DEK: variants seen among roughly 807,000 people sequenced by gnomAD.
DEK encodes the protein protein DEK.
DEK carries 28 observed loss-of-function variants against 46.8 expected under a neutral mutation model. That is an observed-to-expected ratio of 0.60 (90% CI 0.44 to 0.82). The LOEUF is 0.82. Among genes scored for constraint, DEK ranks in the 40% least tolerant of loss-of-function variants. The probability of loss-of-function intolerance (pLI) is 0.00; values close to 1 mark genes in which losing one functional copy is unlikely to be tolerated. For synonymous variants in DEK, 160 were observed against 144.5 expected (o/e 1.11, Z -0.77); for missense variants, 416 against 430.6 (o/e 0.97, Z 0.30).
chr6:18,236,458 G>T lies in DEK; in HGVS notation c.1041C>A (p.Cys347Ter). 6.2e-7 allele frequency: 1 copy of T among 1,609,322 alleles called. No individual in the cohort carries two copies. The highest frequency in any genetic ancestry group is 8.5e-7 in the Non-Finnish European group (1 of 1,178,470). ...NLEEVTMKQI[C>*]KKVYENYPTY... The stretch of plus-strand genomic sequence containing the variant: ...TAAACATTTGTCTAATTACCTTTTT[G>T]CAAATCTGTTTCATTGTGACTTCTT... Residue 347 changes from cysteine (C) to a stop codon, truncating the protein, a stop_gained, in exon 9 of 11, where the codon TGC (cysteine) becomes TGA (stop). Coordinates refer to ENST00000652689, the MANE Select transcript of DEK (RefSeq NM_003472.4). LOFTEE classifies it high-confidence loss of function.
rs868594580 is a variant in DEK at position 18,259,426 on chromosome 6, A to T, written c.146-1021T>A. Among the ~76,000 whole-genome samples the T allele has an allele frequency of 1.3e-3, 166 of 127,042 alleles. 1 individual carries two copies. The highest frequency in any genetic ancestry group is 3.0e-3 in the South Asian group (12 of 4,030). The allele number at this position is 127,042 out of a possible 152,430, so 83.3% of individuals were successfully genotyped here. A position where few individuals can be genotyped will look rare whatever the true frequency, so the allele number is the denominator to read the frequency against. ...AAAAAAAAAAAAAAAAAAAAAAAAA[A>T]AAAAAAATCTAGAAAACAGGTAGCA... On this transcript the variant is annotated intron_variant, in intron 2 of 10. Coordinates refer to ENST00000652689, the MANE Select transcript of DEK (RefSeq NM_003472.4).
At chr6:18,249,030 G>C (rs1429813066) in intron 7 of DEK, among the ~76,000 whole-genome samples, 1 of 152,118 alleles carries the variant, frequency 6.6e-6, no homozygotes, top group Non-Finnish European at 1.5e-5. Flanking sequence ...TGATCTACCT[G>C]ACTGAAGAGG....
chr6:18,230,356 AG>A (rs1328077950), intron 9 of DEK, among the ~76,000 whole-genome samples: 32 of 152,344 alleles, frequency 2.1e-4, no homozygotes, highest in African/African-American at 7.5e-4. Flanking sequence ...TCATAATGAC[AG>A]GATCAAATTC....
At chr6:18,227,252 G>A (rs1790177641) in intron 9 of DEK, among the ~76,000 whole-genome samples, 1 of 152,128 alleles carries the variant, frequency 6.6e-6, no homozygotes, top group South Asian at 2.1e-4. Flanking sequence ...GCCTGTCCCT[G>A]GGCAATGGAA....
intron 2 of DEK, among the ~76,000 whole-genome samples, chr6:18,259,058 C>T (rs367622204): frequency 2.6e-5 from 4 of 151,878 alleles, no homozygotes; most frequent in South Asian, 2.1e-4. Context: ...CGGTGAGGCG[C>T]GGTGGCTCAT....
At chr6:18,258,524 T>C (rs1791701345) in intron 2 of DEK, 119 bp from the exon 3 acceptor site, 1 of 672,622 alleles carries the variant, frequency 1.5e-6, no homozygotes, top group East Asian at 3.0e-5. Context: ...CTTCTGAGCA[T>C]GGTTTTGGAA....
chr6:18,245,086 T>G (rs948915496), intron 7 of DEK, among the ~76,000 whole-genome samples: 2 of 152,196 alleles, frequency 1.3e-5, no homozygotes, highest in African/African-American at 2.4e-5. Flanking sequence ...TCTCTTGCAG[T>G]TAGGTGGGCA....
chr6:18,250,424 G>A (rs139526577), intron 6 of DEK, among the ~76,000 whole-genome samples: 62 of 152,118 alleles, frequency 4.1e-4, no homozygotes, highest in East Asian at 2.5e-3. Flanking sequence ...AGCCGAGATC[G>A]CGCCACTGCA....
chr6:18,246,126 C>G (rs2151086957), intron 7 of DEK, among the ~76,000 whole-genome samples: 1 of 152,324 alleles, frequency 6.6e-6, no homozygotes, highest in Admixed American at 6.5e-5. Flanking sequence ...CTAATACACT[C>G]ATTTTAGCAA....
intron 10 of DEK, 132 bp downstream of exon 10, chr6:18,226,042 C>A: frequency 1.1e-6 from 1 of 879,392 alleles, no homozygotes; most frequent in Non-Finnish European, 1.6e-6. Context: ...AATAAATTTC[C>A]CTATTATGAA....
intron 2 of DEK, among the ~76,000 whole-genome samples, chr6:18,259,921 C>T (rs140370292): frequency 2.9e-4 from 44 of 152,260 alleles, no homozygotes; most frequent in African/African-American, 1.0e-3. Flanking sequence ...CTAAAACAAC[C>T]CCTACTATCA....
In DEK at chr6:18,242,027, A is replaced by C. The variant is rs571869026; in HGVS notation, c.763-4511T>G. Among the ~76,000 whole-genome samples the C allele has an allele frequency of 6.0e-4, 92 of 152,378 alleles. 1 individual carries two copies. In the South Asian group the frequency reaches 0.019, roughly 31 times the overall value. ...ATTAACTTTCTTAAAGCTATTGCTT[A>C]AAATCAAATTTTGATCTAAATCAGG... On this transcript the variant is annotated intron_variant, in intron 7 of 10. Coordinates refer to ENST00000652689, the MANE Select transcript of DEK (RefSeq NM_003472.4).
At chr6:18,258,227 T>C in intron 3 of DEK, 77 bp downstream of exon 3, 3 of 1,290,028 alleles carry the variant, frequency 2.3e-6, no homozygotes, top group Non-Finnish European at 3.3e-6. Context: ...ACCTTGCTGA[T>C]ACTAAGCTAC....
Position 18,264,448 on chromosome 6 carries a change from C to T in DEK, c.-73G>A. 1 of 276,694 alleles carries T rather than the reference C, an allele frequency of 3.6e-6. No individual in the cohort carries two copies. The highest frequency in any genetic ancestry group is 7.4e-6 in the Non-Finnish European group (1 of 136,036). The allele number at this position is 276,694 out of a possible 1,614,324, so 17.1% of individuals were successfully genotyped here. A position where few individuals can be genotyped will look rare whatever the true frequency, so the allele number is the denominator to read the frequency against. On this transcript the variant is annotated 5_prime_UTR_variant, in exon 1 of 11. Transcript: ENST00000652689. ...ACGAGGAGGTTCTGGGAGGCGGCGGCGGCCGACGCCGAGGAGAAGGCGCGC... is the reference window on the plus strand; with the variant it reads ...ACGAGGAGGTTCTGGGAGGCGGCGGTGGCCGACGCCGAGGAGAAGGCGCGC...
intron 6 of DEK, among the ~76,000 whole-genome samples, chr6:18,253,934 C>A (rs529253383): frequency 5.7e-4 from 86 of 152,186 alleles, no homozygotes; most frequent in African/African-American, 1.5e-3. Flanking sequence ...AACTCCTGAG[C>A]TCAAGTGATC....
intron 9 of DEK, among the ~76,000 whole-genome samples, chr6:18,233,495 T>G (rs1352076147): frequency 6.6e-6 from 1 of 151,802 alleles, no homozygotes; most frequent in African/African-American, 2.4e-5. Context: ...GAACTTAAAT[T>G]TACAAGAAAA....
At chr6:18,238,700 A>G (rs1178634972) in intron 7 of DEK, among the ~76,000 whole-genome samples, 2 of 150,268 alleles carry the variant, frequency 1.3e-5, no homozygotes, top group East Asian at 3.9e-4. Context: ...AAAAAAAAAA[A>G]GACAAAATCA....
intron 5 of DEK, 100 bp from the exon 6 acceptor site, chr6:18,255,951 A>C: frequency 7.3e-7 from 1 of 1,378,768 alleles, no homozygotes; most frequent in Non-Finnish European, 9.6e-7. Context: ...GCTCAGTTAC[A>C]TACATTTAAA....
At chr6:18,227,098 A>G (rs1363563499) in intron 9 of DEK, among the ~76,000 whole-genome samples, 6 of 152,136 alleles carry the variant, frequency 3.9e-5, no homozygotes, top group Admixed American at 2.0e-4. Context: ...CCCATGTCAT[A>G]GTCTGAAATA....
Sources: allele counts gnomAD v4.1 joint callset (sites outside exome capture counted in the v4.1 genomes callset), GRCh38; gene constraint gnomAD v4.1.1; transcripts MANE v1.5; gene names NCBI Gene and HGNC (gene_info 2026-07-23, HGNC 2026-07-21).